HHAT: variants seen among roughly 807,000 people sequenced by gnomAD.
HHAT encodes the protein hedgehog acyltransferase.
HHAT carries 47 observed loss-of-function variants against 70.8 expected under a neutral mutation model. The ratio of observed to expected loss-of-function variants is 0.66; its 90% CI spans 0.53 to 0.85. The LOEUF is 0.85. Among genes scored for constraint, HHAT ranks in the 40% least tolerant of loss-of-function variants. The pLI is 0.00. For synonymous variants in HHAT, 228 were observed against 247.6 expected (o/e 0.92, Z 0.74); for missense variants, 609 against 604.8 (o/e 1.01, Z -0.07).
At chr1:210,563,040 G>A (rs1038689839) in intron 9 of HHAT, among the ~76,000 whole-genome samples, 2 of 152,036 alleles carry the variant, frequency 1.3e-5, no homozygotes, top group Non-Finnish European at 2.9e-5. Flanking sequence ...AACTTGGCTC[G>A]GAGCCTCGCA....
At chr1:210,412,765 C>G (rs774574559) in intron 6 of HHAT, among the ~76,000 whole-genome samples, 1 of 152,202 alleles carries the variant, frequency 6.6e-6, no homozygotes, top group Non-Finnish European at 1.5e-5. Flanking sequence ...CTCTACTGGT[C>G]TGGGGTCATG....
At chr1:210,375,776 G>A (rs759450080) in intron 3 of HHAT, among the ~76,000 whole-genome samples, 7 of 150,818 alleles carry the variant, frequency 4.6e-5, no homozygotes, top group African/African-American at 7.3e-5. Flanking sequence ...TATATCAAGG[G>A]TCTCTGAGGC....
At chr1:210,638,407 G>C (rs1573924235) in intron 11 of HHAT, among the ~76,000 whole-genome samples, 1 of 152,168 alleles carries the variant, frequency 6.6e-6, no homozygotes, top group African/African-American at 2.4e-5. Flanking sequence ...CACGGTAAAT[G>C]AAAGAAGCCA....
At position 210,560,814 on chromosome 1, in the gene HHAT, T is replaced by TAAA. The variant is rs60192211; in HGVS notation, c.1044-27049_1044-27047dup. Among the ~76,000 whole-genome samples, 11 of 28,512 alleles carry TAAA rather than the reference T, an allele frequency of 3.9e-4. 2 individuals carry two copies. Among genetic ancestry groups the TAAA allele is most frequent in the East Asian group, 2.1e-3 (3 of 1,406 alleles). The allele number at this position is 28,512 out of a possible 152,430, so 18.7% of individuals were successfully genotyped here. A position where few individuals can be genotyped will look rare whatever the true frequency, so the allele number is the denominator to read the frequency against. ...GGTGACAAAGTGAGACCCTGTGTCT[T>TAAA]AAAAAAAAAAAAAAAAAAAAAAAAA... On this transcript the variant is annotated intron_variant, in intron 9 of 11. Transcript: ENST00000261458.
chr1:210,498,364 T>C (rs1463423249), intron 8 of HHAT, among the ~76,000 whole-genome samples: 1 of 152,232 alleles, frequency 6.6e-6, no homozygotes, highest in Non-Finnish European at 1.5e-5. Flanking sequence ...TGAATTAAGA[T>C]TGATTTTTAA....
chr1:210,513,301 C>T (rs2094993591), intron 9 of HHAT, 113 bp downstream of exon 9: 1 of 586,902 alleles, frequency 1.7e-6, no homozygotes. Context: ...TATATATATA[C>T]TTGTCAAGAA....
chr1:210,390,037 G>C (rs1308096717), intron 4 of HHAT, among the ~76,000 whole-genome samples: 1 of 152,062 alleles, frequency 6.6e-6, no homozygotes, highest in Non-Finnish European at 1.5e-5. Flanking sequence ...TAAAAGTAAA[G>C]ATGAAACATG....
chr1:210,469,549 G>T (rs1283091398), intron 8 of HHAT, among the ~76,000 whole-genome samples: 3 of 152,126 alleles, frequency 2.0e-5, no homozygotes, highest in East Asian at 3.8e-4. Context: ...TAAAGCACTG[G>T]ATACACGGCA....
At chr1:210,576,887 G>A (rs1657900854) in intron 9 of HHAT, among the ~76,000 whole-genome samples, 1 of 151,720 alleles carries the variant, frequency 6.6e-6, no homozygotes, top group South Asian at 2.1e-4. Flanking sequence ...CAAATCTTTG[G>A]CCTTCTTGGC....
At chr1:210,507,359 CTTTTTTTT>C (rs927392992) in intron 8 of HHAT, among the ~76,000 whole-genome samples, 1 of 122,528 alleles carries the variant, frequency 8.2e-6, no homozygotes, top group African/African-American at 3.0e-5. Context: ...TTTCTTTTTT[CTTTTTTTT>C]TTTTTTTTTT....
intron 9 of HHAT, among the ~76,000 whole-genome samples, chr1:210,535,632 G>A (rs2095364088): frequency 2.0e-5 from 3 of 151,788 alleles, no homozygotes; most frequent in Admixed American, 2.0e-4. Context: ...TATGACAGAA[G>A]CTACTTTGAG....
chr1:210,468,820 T>TA (rs539179675), intron 8 of HHAT, among the ~76,000 whole-genome samples: 68 of 152,234 alleles, frequency 4.5e-4, no homozygotes, highest in Non-Finnish European at 8.4e-4. Context: ...AGGGTGAGCA[T>TA]AAAGAAGAAA....
intron 7 of HHAT, among the ~76,000 whole-genome samples, chr1:210,446,402 A>G (rs74156167): frequency 0.031 from 4,773 of 152,304 alleles, 236 homozygotes; most frequent in African/African-American, 0.1. Flanking sequence ...ACTGGATGCT[A>G]GGAATAATGG....
chr1:210,366,116 G>T (rs2088935822), intron 3 of HHAT, among the ~76,000 whole-genome samples: 1 of 151,992 alleles, frequency 6.6e-6, no homozygotes, highest in African/African-American at 2.4e-5. Context: ...ATTTTGTAGA[G>T]ATGGGGTCTC....
intron 8 of HHAT, among the ~76,000 whole-genome samples, chr1:210,465,033 G>A (rs943497923): frequency 1.4e-4 from 22 of 152,136 alleles, no homozygotes; most frequent in Admixed American, 1.3e-4. Context: ...ATAGACTCAG[G>A]ATAGGAGGTT....
intron 9 of HHAT, among the ~76,000 whole-genome samples, chr1:210,558,519 T>G (rs2095593012): frequency 6.6e-6 from 1 of 152,168 alleles, no homozygotes; most frequent in Non-Finnish European, 1.5e-5. Flanking sequence ...TTGTAATGAT[T>G]GTAGAGGGAG....
At chr1:210,564,570 A>G (rs1000803247) in intron 9 of HHAT, among the ~76,000 whole-genome samples, 1 of 152,262 alleles carries the variant, frequency 6.6e-6, no homozygotes, top group Non-Finnish European at 1.5e-5. Flanking sequence ...TATTTATAGA[A>G]AAATGTCATA....
At chr1:210,504,212 G>A (rs1479128368) in intron 8 of HHAT, among the ~76,000 whole-genome samples, 1 of 152,180 alleles carries the variant, frequency 6.6e-6, no homozygotes, top group East Asian at 1.9e-4. Flanking sequence ...GCTCTATTGA[G>A]CATCTAGAAG....
intron 3 of HHAT, among the ~76,000 whole-genome samples, chr1:210,365,559 C>G (rs1469357281): frequency 6.6e-6 from 1 of 151,958 alleles, no homozygotes; most frequent in Non-Finnish European, 1.5e-5. Context: ...CTCAGGTGAT[C>G]CACCTGCATT....
Sources: allele counts gnomAD v4.1 joint callset (sites outside exome capture counted in the v4.1 genomes callset), GRCh38; gene constraint gnomAD v4.1.1; transcripts MANE v1.5; gene names NCBI Gene and HGNC (gene_info 2026-07-23, HGNC 2026-07-21).